The following STPG2 variants were observed in gnomAD, a reference collection of about 807,000 sequenced individuals.
The protein encoded by STPG2 is sperm-tail PG-rich repeat-containing protein 2.
Under a neutral mutation model 54.2 loss-of-function variants are expected in STPG2, and 56 were observed. That is an observed-to-expected ratio of 1.03 (90% CI 0.83 to 1.29). The LOEUF (loss-of-function observed/expected upper bound fraction) is 1.29, where lower values mean the gene tolerates loss of function less well. Ranked by LOEUF, STPG2 falls within the 50% of genes most tolerant of loss-of-function variation. The pLI is 0.00. For synonymous variants in STPG2, 200 were observed against 181.8 expected (o/e 1.10, Z -0.81); for missense variants, 596 against 544.9 (o/e 1.09, Z -0.93).
At chr4:97,538,715 A>C (rs1283347355) in intron 4 of STPG2, among the ~76,000 whole-genome samples, 2 of 152,222 alleles carry the variant, frequency 1.3e-5, no homozygotes, top group African/African-American at 4.8e-5. Flanking sequence ...CTCCTCAAGA[A>C]GAGCAACTCC....
chr4:97,972,773 G>A (rs971516828), intron 6 of STPG2, among the ~76,000 whole-genome samples: 12 of 152,126 alleles, frequency 7.9e-5, no homozygotes, highest in African/African-American at 2.9e-4. Flanking sequence ...TCTTTTGATA[G>A]TGAATAAGTA....
intron 9 of STPG2, among the ~76,000 whole-genome samples, chr4:97,840,254 C>T (rs1326038985): frequency 6.6e-6 from 1 of 151,276 alleles, no homozygotes; most frequent in African/African-American, 2.4e-5. Flanking sequence ...GGTAAAGTGC[C>T]TTTCTCCTCT....
At chr4:97,872,546 G>A (rs922262691) in intron 8 of STPG2, among the ~76,000 whole-genome samples, 9 of 150,868 alleles carry the variant, frequency 6.0e-5, no homozygotes, top group Admixed American at 2.0e-4. Context: ...GAAAAAACAC[G>A]TAAGAATAAG....
chr4:98,110,348 G>A (rs1015167294), intron 3 of STPG2, among the ~76,000 whole-genome samples: 3 of 152,116 alleles, frequency 2.0e-5, no homozygotes, highest in Non-Finnish European at 4.4e-5. Context: ...TTGCGCGAAT[G>A]GGCTCACACA....
At chr4:98,013,345 T>C (rs1221706955) in intron 5 of STPG2, among the ~76,000 whole-genome samples, 1 of 152,218 alleles carries the variant, frequency 6.6e-6, no homozygotes, top group Non-Finnish European at 1.5e-5. Context: ...TGGATTCAGT[T>C]TGCCAGCATT....
Position 98,134,401 on chromosome 4 carries a change from A to G in STPG2, c.168T>C (p.Ser56=), listed in dbSNP as rs1025218639. 5 of 1,590,088 alleles carry G rather than the reference A, an allele frequency of 3.1e-6. No individual in the cohort carries two copies. Among genetic ancestry groups the G allele is most frequent in the East Asian group, 2.3e-5 (1 of 43,704 alleles). The change falls in exon 2 of 11, where the codon TCT becomes TCC. Residue 56 remains serine, a synonymous_variant. Transcript: ENST00000295268. ...GACCTGGAACAGCTTTCTCAATGCT[A>G]GAGGCAATGGTAAAAGTACTTTCTC... The part of the protein sequence containing the change: ...TARESTFTIA[S]SIEKAVPGPG...
At chr4:97,595,496 G>GC (rs1221839717) in intron 10 of STPG2, among the ~76,000 whole-genome samples, 5 of 151,912 alleles carry the variant, frequency 3.3e-5, no homozygotes, top group African/African-American at 1.2e-4. Flanking sequence ...TATACCTAAT[G>GC]TAAATGATGA....
At chr4:97,840,715 T>C in intron 9 of STPG2, 58 bp downstream of exon 9, 1 of 1,543,344 alleles carries the variant, frequency 6.5e-7, no homozygotes, top group Non-Finnish European at 8.7e-7. Context: ...CTAGATATTT[T>C]AATATGGAAA....
chr4:97,539,402 G>A (rs182590790), intron 4 of STPG2, among the ~76,000 whole-genome samples: 256 of 152,190 alleles, frequency 1.7e-3, no homozygotes, highest in African/African-American at 6.0e-3. Context: ...CCTAGTCTCT[G>A]ATAAAATAGA....
chr4:98,106,963 T>C (rs1483133940), intron 4 of STPG2, among the ~76,000 whole-genome samples: 4 of 152,130 alleles, frequency 2.6e-5, no homozygotes, highest in African/African-American at 7.2e-5. Context: ...AAAAAATATA[T>C]AATACAAAGT....
chr4:97,992,090 C>G (rs1560626007), intron 5 of STPG2, among the ~76,000 whole-genome samples: 1 of 123,478 alleles, frequency 8.1e-6, no homozygotes, highest in East Asian at 2.1e-4. Context: ...CGTGCAGAAG[C>G]TTTTTAGTTT....
chr4:97,614,390 T>G (rs1193544294), intron 10 of STPG2, among the ~76,000 whole-genome samples: 2 of 152,058 alleles, frequency 1.3e-5, no homozygotes, highest in Non-Finnish European at 2.9e-5. Flanking sequence ...TCCATAGAAA[T>G]TCTTGCAGAA....
At chr4:97,849,741 G>A (rs1482260506) in intron 8 of STPG2, among the ~76,000 whole-genome samples, 6 of 151,300 alleles carry the variant, frequency 4.0e-5, no homozygotes, top group Admixed American at 3.9e-4. Flanking sequence ...ACACCAGTTA[G>A]AATGGCAAGC....
intron 8 of STPG2, among the ~76,000 whole-genome samples, chr4:97,938,068 C>T (rs898762546): frequency 6.6e-6 from 1 of 152,110 alleles, no homozygotes; most frequent in Admixed American, 6.5e-5. Flanking sequence ...AGAGTTCTGT[C>T]CCTAAGCCCC....
At chr4:97,693,629 A>C (rs2148990985) in intron 10 of STPG2, among the ~76,000 whole-genome samples, 1 of 152,302 alleles carries the variant, frequency 6.6e-6, no homozygotes, top group South Asian at 2.1e-4. Context: ...GGTCATCAAG[A>C]CAGATGGACT....
At chr4:97,609,365 GTCATCCCTAC>G (rs965158464) in intron 10 of STPG2, among the ~76,000 whole-genome samples, 1 of 152,066 alleles carries the variant, frequency 6.6e-6, no homozygotes, top group African/African-American at 2.4e-5. Flanking sequence ...AAGTCATTTG[GTCATCCCTAC>G]TTTAATCATT....
rs148922900 is a variant in STPG2, at chr4:97,898,083, T to G, written c.1044+45814A>C. Among the ~76,000 whole-genome samples, 20 of 152,138 alleles carry G rather than the reference T, an allele frequency of 1.3e-4. No homozygotes were observed. In the East Asian group the frequency reaches 3.9e-3, roughly 29 times the overall value. The stretch of plus-strand genomic sequence containing the variant: ...TCCATCCTGAGTTAAATTTTGATTA[T>G]GGCGTAAGGAAGAAGTCCAGATTCA... On this transcript the variant is annotated intron_variant, in intron 8 of 10. Transcript: ENST00000295268.
At chr4:97,861,942 C>T (rs1293347830) in intron 8 of STPG2, among the ~76,000 whole-genome samples, 1 of 151,990 alleles carries the variant, frequency 6.6e-6, no homozygotes, top group Non-Finnish European at 1.5e-5. Flanking sequence ...TGGAAAGGAA[C>T]AACTGGTACC....
At chr4:97,800,435 G>T (rs1252982652) in intron 9 of STPG2, among the ~76,000 whole-genome samples, 2 of 152,214 alleles carry the variant, frequency 1.3e-5, no homozygotes, top group African/African-American at 4.8e-5. Context: ...GTTAGAGTTT[G>T]CTGGAGATCC....
Sources: gnomAD v4.1 joint callset for allele counts (sites outside exome capture counted in the v4.1 genomes callset) on GRCh38, gnomAD v4.1.1 for gene constraint, MANE v1.5 for transcripts, NCBI Gene and HGNC (gene_info 2026-07-23, HGNC 2026-07-21) for gene names.